The following IQCH variants were observed in gnomAD, a reference collection of about 807,000 sequenced individuals.
IQCH encodes the protein IQ domain-containing protein H.
Under a neutral mutation model 117.0 loss-of-function variants are expected in IQCH, and 98 were observed. The ratio of observed to expected loss-of-function variants is 0.84; its 90% CI spans 0.71 to 0.99. The LOEUF (loss-of-function observed/expected upper bound fraction) is 0.99, where lower values mean the gene tolerates loss of function less well. Among genes scored for constraint, IQCH ranks in the 50% least tolerant of loss-of-function variants. The pLI is 0.00. For missense variants in IQCH, 1,102 were observed against 1,243.8 expected (o/e 0.89, Z 1.72); for synonymous variants, 412 against 448.2 (o/e 0.92, Z 1.02).
chr15:67,356,634 C>G lies in IQCH; in HGVS notation c.638-711C>G, dbSNP rs1490015304. On this transcript the variant is annotated intron_variant, in intron 6 of 20. Coordinates refer to ENST00000335894, the MANE Select transcript of IQCH (RefSeq NM_001031715.3). The surrounding 1 kb of genome is among the most constrained non-coding windows in gnomAD (Gnocchi z 5.3). ...AGCCTCACTTCTTTTATTCAATTAA[C>G]CATTTAAATAAATTTTTTGTTCTCT... is the stretch of plus-strand genomic sequence containing the variant. Among the ~76,000 whole-genome samples the G allele has an allele frequency of 1.3e-5, 2 of 152,096 alleles. No individual in the cohort carries two copies. The highest frequency in any genetic ancestry group is 2.9e-5 in the Non-Finnish European group (2 of 68,030).
chr15:67,450,341 A>G (rs2082492683), intron 16 of IQCH, among the ~76,000 whole-genome samples: 1 of 152,148 alleles, frequency 6.6e-6, no homozygotes, highest in African/African-American at 2.4e-5. Flanking sequence ...CCCATTCAGT[A>G]TGATATTGGC....
At position 67,300,459 on chromosome 15, in the gene IQCH, A is replaced by G. The variant is rs368354272; in HGVS notation, c.387+20947A>G. ...CAGGACTTGACGTCTATTGTTCTTCATATTACCTAAGACAGTGGTTGAGAG... is the reference window on the plus strand; with the variant it reads ...CAGGACTTGACGTCTATTGTTCTTCGTATTACCTAAGACAGTGGTTGAGAG... On this transcript the variant is annotated intron_variant, in intron 4 of 20. Coordinates refer to ENST00000335894, the MANE Select transcript of IQCH (RefSeq NM_001031715.3). Among the ~76,000 whole-genome samples, 7 of 152,290 alleles carry G rather than the reference A, an allele frequency of 4.6e-5. No individual in the cohort carries two copies. The East Asian group carries it at 1.4e-3, about 29-fold the overall frequency.
intron 3 of IQCH, among the ~76,000 whole-genome samples, chr15:67,270,007 G>A (rs573719555): frequency 6.6e-6 from 1 of 152,228 alleles, no homozygotes; most frequent in East Asian, 1.9e-4. Context: ...ACCCAGTAGT[G>A]GGATGGCTGG....
chr15:67,275,569 T>G (rs192101719), intron 3 of IQCH, among the ~76,000 whole-genome samples: 1 of 152,144 alleles, frequency 6.6e-6, no homozygotes, highest in Non-Finnish European at 1.5e-5. Context: ...TTTCAACATA[T>G]ATGAAAAAAT....
chr15:67,475,052 G>A lies in IQCH; in HGVS notation c.2677-644G>A, dbSNP rs572434025. ...AACCACAGGGAAAGTCTGTGAAGCC[G>A]TCACAGGCCAGAGAAGCCTAAGGAG... is the stretch of plus-strand genomic sequence containing the variant. On this transcript the variant is annotated intron_variant, in intron 17 of 20. Coordinates refer to ENST00000335894, the MANE Select transcript of IQCH (RefSeq NM_001031715.3). The surrounding 1 kb of genome is among the most constrained non-coding windows in gnomAD (Gnocchi z 5.7). Among the ~76,000 whole-genome samples, 1 of 152,300 alleles carries A rather than the reference G, an allele frequency of 6.6e-6. No individual in the cohort carries two copies. Among genetic ancestry groups the A allele is most frequent in the Non-Finnish European group, 1.5e-5 (1 of 68,026 alleles).
chr15:67,394,914 T>G (rs1971410118), intron 12 of IQCH, among the ~76,000 whole-genome samples: 1 of 152,212 alleles, frequency 6.6e-6, no homozygotes, highest in Non-Finnish European at 1.5e-5. Context: ...GGCTTTTTTC[T>G]TCATTTTTTG....
At chr15:67,270,034 A>G (rs1424568161) in intron 3 of IQCH, among the ~76,000 whole-genome samples, 1 of 151,932 alleles carries the variant, frequency 6.6e-6, no homozygotes, top group Non-Finnish European at 1.5e-5. Context: ...TGGTAGTTCT[A>G]TTTTTAGTTT....
At chr15:67,400,360 A>T in intron 14 of IQCH, 55 bp downstream of exon 14, 1 of 1,342,178 alleles carries the variant, frequency 7.5e-7, no homozygotes, top group Non-Finnish European at 1.1e-6. Flanking sequence ...TTAGGGGACG[A>T]AGCAAAAAGT....
At chr15:67,451,713 G>A (rs1299384935) in intron 16 of IQCH, among the ~76,000 whole-genome samples, 1 of 152,172 alleles carries the variant, frequency 6.6e-6, no homozygotes, top group African/African-American at 2.4e-5. Context: ...GATTTGGGGT[G>A]GAGAGTTCTG....
At chr15:67,358,008 A>G (rs565674143) in intron 7 of IQCH, among the ~76,000 whole-genome samples, 2 of 151,536 alleles carry the variant, frequency 1.3e-5, no homozygotes, top group African/African-American at 4.8e-5. Context: ...ACAGGTGCCT[A>G]CCACCATGCC....
Position 67,369,493 on chromosome 15 carries a change from AAAAG to A in IQCH, c.754-2614_754-2611del, listed in dbSNP as rs1970447199. ...AGGGAAAGAGAGAGGAAGGAAGAGA[AAAAG>A]AAAAAAGAGAAAGAAGAGAGGGAAG... On this transcript the variant is annotated intron_variant, in intron 8 of 20. Transcript: ENST00000335894. The surrounding 1 kb of genome is among the most constrained non-coding windows in gnomAD (Gnocchi z 5.2). Among the ~76,000 whole-genome samples, 2 of 151,072 alleles carry A rather than the reference AAAAG, an allele frequency of 1.3e-5. 1 individual carries two copies. Among genetic ancestry groups the A allele is most frequent in the South Asian group, 4.2e-4 (2 of 4,772 alleles).
intron 4 of IQCH, among the ~76,000 whole-genome samples, chr15:67,316,945 A>G (rs1226732897): frequency 6.6e-6 from 1 of 152,160 alleles, no homozygotes; most frequent in East Asian, 1.9e-4. Flanking sequence ...CAATGAGGAA[A>G]TTTCTCTGCC....
intron 16 of IQCH, among the ~76,000 whole-genome samples, chr15:67,449,532 T>G (rs1297729785): frequency 6.6e-6 from 1 of 152,240 alleles, no homozygotes; most frequent in African/African-American, 2.4e-5. Context: ...ATCAGATAGT[T>G]GTAGATATGC....
At position 67,404,969 on chromosome 15, in the gene IQCH, C is replaced by G. The variant is rs746197588; in HGVS notation, c.2097+4664C>G. On this transcript the variant is annotated intron_variant, in intron 14 of 20. Coordinates refer to ENST00000335894, the MANE Select transcript of IQCH (RefSeq NM_001031715.3). This position sits in a 1 kb window ranked among gnomAD's most constrained non-coding sequence, Gnocchi z 4.6. ...AAGATAGTACCAATTTCCAAAGCAA[C>G]TGGCAGAGAATAAGAATACTAGTTT... 1 of 152,172 alleles carries G rather than the reference C, an allele frequency of 6.6e-6. No individual in the cohort carries two copies. The highest frequency in any genetic ancestry group is 1.5e-5 in the Non-Finnish European group (1 of 68,026). 9.4% of individuals were successfully genotyped at this position (152,172 alleles called of 1,614,324 possible). A position where few individuals can be genotyped will look rare whatever the true frequency, so the allele number is the denominator to read the frequency against.
intron 15 of IQCH, 169 bp from the exon 16 acceptor site, chr15:67,421,122 A>T: frequency 1.6e-6 from 1 of 615,798 alleles, no homozygotes; most frequent in Middle Eastern, 4.4e-4. Flanking sequence ...ATGCACAACA[A>T]TCTAATGAGG....
chr15:67,412,849 A>G (rs988021228), intron 14 of IQCH, among the ~76,000 whole-genome samples: 3 of 152,186 alleles, frequency 2.0e-5, no homozygotes, highest in Admixed American at 6.5e-5. Flanking sequence ...TCTGTCTTTC[A>G]TCATTTGTTG....
Position 67,372,318 on chromosome 15 carries a change from G to T in IQCH, c.961G>T (p.Gly321Trp), listed in dbSNP as rs772065474. The change falls in exon 9 of 21, where the codon GGG becomes TGG. Residue 321 changes from glycine to tryptophan, a missense_variant. By Grantham distance (184) the Gly-to-Trp change is radical. Around this residue, in one of 2 missense-constraint regions of IQCH, gnomAD observed 452 missense variants for 449.6 expected, o/e 1.01. Transcript: ENST00000335894. Reference protein sequence around the residue: ...NYAIPEVKIKGNNLVALLPEF... With the variant: ...NYAIPEVKIKWNNLVALLPEF... ...TGCTATACCAGAAGTCAAAATAAAA[G>T]GGAATAATTTGGTGGCCCTCCTTCC... The T allele has an allele frequency of 1.4e-5, 23 of 1,613,906 alleles. No individual in the cohort carries two copies. The highest frequency in any genetic ancestry group is 1.9e-5 in the Non-Finnish European group (23 of 1,180,002).
intron 18 of IQCH, among the ~76,000 whole-genome samples, chr15:67,488,748 A>C (rs1026874220): frequency 6.6e-6 from 1 of 152,118 alleles, no homozygotes; most frequent in African/African-American, 2.4e-5. Context: ...GGAGCATGCA[A>C]CCTAGATCCC....
chr15:67,388,803 T>G lies in IQCH; in HGVS notation c.1457-28T>G, dbSNP rs1971187934. The G allele has an allele frequency of 6.3e-7, 1 of 1,585,192 alleles. No homozygotes were observed. The highest frequency in any genetic ancestry group is 8.7e-7 in the Non-Finnish European group (1 of 1,154,614). ...ATAATGTCATTTACCTTCACACCAG[T>G]AATTAACATTGTGCCTGTTGTTTTT... On this transcript the variant is annotated intron_variant, in intron 11 of 20. Transcript: ENST00000335894. This position sits in a 1 kb window ranked among gnomAD's most constrained non-coding sequence, Gnocchi z 5.5.
Sources: gnomAD v4.1 joint callset for allele counts (sites outside exome capture counted in the v4.1 genomes callset) on GRCh38, gnomAD v4.1.1 for gene constraint, gnomAD v4.1.1 regional missense constraint, Gnocchi (gnomAD v3.1) non-coding constraint, MANE v1.5 for transcripts, NCBI Gene and HGNC (gene_info 2026-07-23, HGNC 2026-07-21) for gene names.